Variants in FAM120C observed in about 807,000 individuals in gnomAD.
FAM120C encodes family with sequence similarity 120 member C.
In FAM120C, 14 loss-of-function variants were observed where a neutral mutation model predicts 71.2. The ratio of observed to expected loss-of-function variants is 0.20; its 90% CI spans 0.13 to 0.31. The LOEUF (loss-of-function observed/expected upper bound fraction) is 0.31, where lower values mean the gene tolerates loss of function less well. Ranked by LOEUF, FAM120C falls within the 10% of genes least tolerant of loss-of-function variation. The pLI is 1.00. For missense variants in FAM120C, 500 were observed against 879.0 expected (o/e 0.57, Z 5.45); for synonymous variants, 354 against 353.2 (o/e 1.00, Z -0.03).
rs782622863 is a variant in FAM120C, at chrX:54,135,626, A to G, written c.1259-22T>C. ...AAACCTGAAGCCAAGAGAAAGAGCTATACTTCAGTCAATCCTAATAATTTT... is the reference window on the plus strand; with the variant it reads ...AAACCTGAAGCCAAGAGAAAGAGCTGTACTTCAGTCAATCCTAATAATTTT... On this transcript the variant is annotated intron_variant, in intron 5 of 15. Transcript: ENST00000375180. 39 of 1,154,844 alleles carry G rather than the reference A, an allele frequency of 3.4e-5. No homozygotes were observed. The Admixed American group carries it at 8.0e-4, about 24-fold the overall frequency.
chrX:54,158,640 G>C (rs1557133995), intron 2 of FAM120C, among the ~76,000 whole-genome samples: 13 of 111,193 alleles, frequency 1.2e-4, no homozygotes, highest in Non-Finnish European at 1.9e-5. Flanking sequence ...ATGGTGGCAG[G>C]TGCCTATAGT....
rs1169888246 is a variant in FAM120C, at chrX:54,070,787, G to A, written c.*2246C>T. On this transcript the variant is annotated 3_prime_UTR_variant, in exon 16 of 16. Transcript: ENST00000375180. ...TGTTTCTACTTCTGTCTGGTTAGAT[G>A]TACACTCTTGTCATTTTTCTTTGGT... 1.8e-5 allele frequency: 2 copies of A among 111,815 alleles called. No homozygotes were observed. Among genetic ancestry groups the A allele is most frequent in the Non-Finnish European group, 3.8e-5 (2 of 53,165 alleles). 9.2% of individuals were successfully genotyped at this position (111,815 alleles called of 1,213,427 possible). A position where few individuals can be genotyped will look rare whatever the true frequency, so the allele number is the denominator to read the frequency against.
chrX:54,133,592 C>T (rs1557129821), intron 8 of FAM120C, among the ~76,000 whole-genome samples, 181 bp downstream of exon 8: 1 of 112,301 alleles, frequency 8.9e-6, no homozygotes, highest in Non-Finnish European at 1.9e-5. Flanking sequence ...ACCACACAGT[C>T]CCAACTCCTG....
At chrX:54,079,641 T>C (rs1330869582) in intron 15 of FAM120C, among the ~76,000 whole-genome samples, 5 of 108,253 alleles carry the variant, frequency 4.6e-5, no homozygotes, top group Non-Finnish European at 9.6e-5. Context: ...CTACTAAAAA[T>C]ACAAAATTAG....
intron 1 of FAM120C, among the ~76,000 whole-genome samples, chrX:54,175,065 T>G (rs1284685967): frequency 1.8e-5 from 2 of 111,465 alleles, no homozygotes; most frequent in Non-Finnish European, 3.8e-5. Flanking sequence ...CCATGCTTTG[T>G]ACCCCTGACT....
chrX:54,077,545 G>A, intron 15 of FAM120C, among the ~76,000 whole-genome samples: 1 of 110,766 alleles, frequency 9.0e-6, no homozygotes, highest in Non-Finnish European at 1.9e-5. Context: ...AGCTGGGTGT[G>A]GTGGCTCACA....
intron 10 of FAM120C, among the ~76,000 whole-genome samples, chrX:54,111,248 C>T (rs1047126849): frequency 9.1e-6 from 1 of 110,287 alleles, no homozygotes; most frequent in African/African-American, 3.3e-5. Flanking sequence ...CCACTTTTAC[C>T]ACTCCTATTC....
At chrX:54,135,485 A>T (rs1557130383) in intron 6 of FAM120C, 43 bp downstream of exon 6, 1 of 1,115,171 alleles carries the variant, frequency 9.0e-7, no homozygotes, top group East Asian at 3.0e-5. Context: ...TCAGGAAGCA[A>T]CCTGAGTCTA....
chrX:54,140,100 C>T (rs1380545345), intron 4 of FAM120C, among the ~76,000 whole-genome samples: 4 of 108,012 alleles, frequency 3.7e-5, no homozygotes, highest in African/African-American at 1.3e-4. Context: ...TCGAGACTAG[C>T]CCAGGACAAC....
intron 1 of FAM120C, among the ~76,000 whole-genome samples, chrX:54,173,438 G>C (rs2067299405): frequency 2.7e-5 from 3 of 111,381 alleles, no homozygotes; most frequent in African/African-American, 9.8e-5. Flanking sequence ...AGTAGAGACA[G>C]GGTTTCTCCA....
At chrX:54,137,196 A>G (rs934549170) in intron 4 of FAM120C, among the ~76,000 whole-genome samples, 2 of 111,260 alleles carry the variant, frequency 1.8e-5, no homozygotes, top group Non-Finnish European at 3.8e-5. Flanking sequence ...CAAGTGATCC[A>G]TCTGCCTTGG....
At chrX:54,130,912 C>A (rs1229658249) in intron 9 of FAM120C, among the ~76,000 whole-genome samples, 1 of 111,486 alleles carries the variant, frequency 9.0e-6, no homozygotes, top group Non-Finnish European at 1.9e-5. Flanking sequence ...GTTTGTCCTA[C>A]ACCCAGTCTG....
chrX:54,102,807 C>A (rs1269612864), intron 10 of FAM120C, among the ~76,000 whole-genome samples: 2 of 95,565 alleles, frequency 2.1e-5, no homozygotes, highest in African/African-American at 3.9e-5. Flanking sequence ...GCAGCCTCCA[C>A]CTCCTGGGTT....
At chrX:54,091,559 A>C (rs915681802) in intron 10 of FAM120C, 133 bp from the exon 11 acceptor site, 37 of 434,601 alleles carry the variant, frequency 8.5e-5, no homozygotes, top group Non-Finnish European at 1.2e-4. Context: ...TGAAGGAAAA[A>C]GAATCTCTGC....
chrX:54,093,227 A>G (rs1486632620), intron 10 of FAM120C, among the ~76,000 whole-genome samples: 1 of 112,405 alleles, frequency 8.9e-6, no homozygotes, highest in African/African-American at 3.2e-5. Context: ...AAAATCCTTC[A>G]AAGCAGAATT....
chrX:54,110,694 T>C (rs2066932064), intron 10 of FAM120C, among the ~76,000 whole-genome samples: 1 of 110,361 alleles, frequency 9.1e-6, no homozygotes, highest in Admixed American at 9.8e-5. Context: ...GATGGGAGGA[T>C]TGCTTGAGCC....
rs191352016 is a variant in FAM120C at position 54,124,824 on chromosome X, A to G, written c.2062+7868T>C. Among the ~76,000 whole-genome samples the G allele has an allele frequency of 5.2e-3, 582 of 112,046 alleles. 2 individuals are homozygous for G. Among genetic ancestry groups the G allele is most frequent in the African/African-American group, 0.018 (569 of 30,895 alleles). ...TTTCATGTCTTTATTTGCCATATGTATATCTTCTTCAGTGAAATGTCTGTG... is the reference window on the plus strand; with the variant it reads ...TTTCATGTCTTTATTTGCCATATGTGTATCTTCTTCAGTGAAATGTCTGTG... On this transcript the variant is annotated intron_variant, in intron 9 of 15. Coordinates refer to ENST00000375180, the MANE Select transcript of FAM120C (RefSeq NM_017848.6).
At chrX:54,101,105 T>G (rs1338835921) in intron 10 of FAM120C, among the ~76,000 whole-genome samples, 5 of 111,744 alleles carry the variant, frequency 4.5e-5, no homozygotes, top group African/African-American at 1.6e-4. Flanking sequence ...TGGGTAGAGG[T>G]TGCGAAGCCT....
Position 54,182,905 on chromosome X carries a change from C to A in FAM120C, c.294G>T (p.Gln98His). Residue 98 changes from glutamine (Q) to histidine (H), a missense_variant, in exon 1 of 16, where the codon CAG (glutamine) becomes CAT (histidine). Physicochemically the swap from Gln to His is conservative, Grantham distance 24. Transcript: ENST00000375180. The stretch of plus-strand genomic sequence containing the variant: ...GCGGCAGCGGAGGGTGCAGCCCGGG[C>A]TGCGCTTGGCCATGATGGTGGAAGT... ...AHHFHHHGQAQPGLHPPLPPP... is the reference protein window; with the variant it reads ...AHHFHHHGQAHPGLHPPLPPP... 1 of 1,152,711 alleles carries A rather than the reference C, an allele frequency of 8.7e-7. No homozygotes were observed. The highest frequency in any genetic ancestry group is 1.2e-6 in the Non-Finnish European group (1 of 867,757). The allele number at this position is 1,152,711 out of a possible 1,213,427, so 95.0% of individuals were successfully genotyped here.
Sources: gnomAD v4.1 joint callset for allele counts (sites outside exome capture counted in the v4.1 genomes callset) on GRCh38, gnomAD v4.1.1 for gene constraint, MANE v1.5 for transcripts, NCBI Gene and HGNC (gene_info 2026-07-23, HGNC 2026-07-21) for gene names.